MSRA: variants seen among roughly 807,000 people sequenced by gnomAD.
The protein encoded by MSRA is methionine sulfoxide reductase A.
In MSRA, 54 loss-of-function variants were observed where a neutral mutation model predicts 31.3. The observed-to-expected ratio is 1.73, with a 90% CI of 1.39 to 2.17. MSRA has a LOEUF of 2.17. MSRA is among the 30% of genes most tolerant of loss of function. MSRA has a pLI of 0.00. For synonymous variants in MSRA, 169 were observed against 116.5 expected (o/e 1.45, Z -2.90); for missense variants, 507 against 300.9 (o/e 1.69, Z -5.07).
rs193216737 is a variant in MSRA at position 10,147,020 on chromosome 8, C to T, written c.143-60813C>T. The stretch of plus-strand genomic sequence containing the variant: ...GCCAGCTGGGGCCTTGTTGGGTTAC[C>T]GGCAGAGGCGAGGTGGCCCTTCCCA... On this transcript the variant is annotated intron_variant, in intron 1 of 5. Transcript: ENST00000317173. Among the ~76,000 whole-genome samples the T allele has an allele frequency of 7.2e-4, 109 of 152,278 alleles. 1 individual carries two copies. Among genetic ancestry groups the T allele is most frequent in the Admixed American group, 6.6e-3 (101 of 15,296 alleles).
At chr8:10,400,603 T>A (rs1190498633) in intron 5 of MSRA, among the ~76,000 whole-genome samples, 2 of 151,528 alleles carry the variant, frequency 1.3e-5, no homozygotes, top group Non-Finnish European at 2.9e-5. Context: ...GACCGAGAGA[T>A]GTAGGGCATG....
At chr8:10,311,265 A>G (rs899209612) in intron 4 of MSRA, among the ~76,000 whole-genome samples, 4 of 152,240 alleles carry the variant, frequency 2.6e-5, no homozygotes, top group Non-Finnish European at 5.9e-5. Flanking sequence ...AAGGGCTGAC[A>G]GAACTATGAG....
At chr8:10,293,153 A>G (rs1199195082) in intron 3 of MSRA, among the ~76,000 whole-genome samples, 1 of 152,164 alleles carries the variant, frequency 6.6e-6, no homozygotes, top group Non-Finnish European at 1.5e-5. Context: ...CTATGGATCT[A>G]GAGGCTTTGC....
At chr8:10,353,120 A>T (rs1280671935) in intron 5 of MSRA, among the ~76,000 whole-genome samples, 2 of 152,184 alleles carry the variant, frequency 1.3e-5, no homozygotes, top group Admixed American at 1.3e-4. Flanking sequence ...TGAGCCACAG[A>T]CAGGCGTGTG....
At chr8:10,331,108 G>C (rs1442956223) in intron 5 of MSRA, among the ~76,000 whole-genome samples, 1 of 152,228 alleles carries the variant, frequency 6.6e-6, no homozygotes, top group Non-Finnish European at 1.5e-5. Flanking sequence ...CTGAGAAGAG[G>C]ACTTGGAATA....
chr8:10,147,061 C>T (rs1187703191), intron 1 of MSRA, among the ~76,000 whole-genome samples: 2 of 152,088 alleles, frequency 1.3e-5, no homozygotes, highest in Non-Finnish European at 2.9e-5. Flanking sequence ...AGATGAGTGC[C>T]GGTTGCAGTG....
intron 1 of MSRA, 47 bp from the exon 2 acceptor site, chr8:10,207,786 G>A (rs907236626): frequency 1.9e-6 from 3 of 1,550,054 alleles, no homozygotes; most frequent in Non-Finnish European, 2.6e-6. Context: ...GTTAGTATGT[G>A]TTAGAACTTT....
At chr8:10,230,668 A>C (rs1811384120) in intron 2 of MSRA, among the ~76,000 whole-genome samples, 2 of 152,216 alleles carry the variant, frequency 1.3e-5, no homozygotes, top group South Asian at 4.1e-4. Context: ...TTCTTATAGA[A>C]ATTTGGAATA....
chr8:10,103,265 G>T (rs1352533555), intron 1 of MSRA, among the ~76,000 whole-genome samples: 1 of 152,128 alleles, frequency 6.6e-6, no homozygotes, highest in Non-Finnish European at 1.5e-5. Context: ...TTGACTGAAG[G>T]CTTTAAAAAT....
At chr8:10,232,937 G>C (rs1342179908) in intron 2 of MSRA, among the ~76,000 whole-genome samples, 3 of 152,170 alleles carry the variant, frequency 2.0e-5, no homozygotes, top group Non-Finnish European at 2.9e-5. Context: ...ATGTAAGTTT[G>C]AATATTTTTT....
At chr8:10,295,315 G>T (rs887154894) in intron 3 of MSRA, among the ~76,000 whole-genome samples, 1 of 152,068 alleles carries the variant, frequency 6.6e-6, no homozygotes, top group Non-Finnish European at 1.5e-5. Context: ...GGGGACCGTC[G>T]CACTGCGCTG....
intron 1 of MSRA, among the ~76,000 whole-genome samples, chr8:10,152,556 G>C (rs913211328): frequency 2.0e-5 from 3 of 152,194 alleles, no homozygotes; most frequent in African/African-American, 7.2e-5. Flanking sequence ...TGGGTATCTA[G>C]GTGGATTGGG....
intron 1 of MSRA, among the ~76,000 whole-genome samples, chr8:10,082,809 C>A (rs747359257): frequency 6.6e-6 from 1 of 152,184 alleles, no homozygotes; most frequent in African/African-American, 2.4e-5. Flanking sequence ...GAAGGGGGCA[C>A]TGTGTTCACT....
chr8:10,055,235 C>G (rs931011971), intron 1 of MSRA, among the ~76,000 whole-genome samples: 2 of 152,194 alleles, frequency 1.3e-5, no homozygotes, highest in African/African-American at 4.8e-5. Context: ...CAGGGGCTGC[C>G]GTATGCTGGG....
rs1416394509 is a variant in MSRA, at chr8:10,083,091, T to C, written c.142+28433T>C. ...AACCATACTTACATTCTTTGTTGCA[T>C]ACATAGCATTTAAATTGTGACTCTC... On this transcript the variant is annotated intron_variant, in intron 1 of 5. Coordinates refer to ENST00000317173, the MANE Select transcript of MSRA (RefSeq NM_012331.5). 2.1e-5 allele frequency among the ~76,000 whole-genome samples: 3 copies of C among 144,396 alleles called. No individual in the cohort carries two copies. The East Asian group carries it at 8.1e-4, about 39-fold the overall frequency. The allele number at this position is 144,396 out of a possible 152,430, so 94.7% of individuals were successfully genotyped here. A position where few individuals can be genotyped will look rare whatever the true frequency, so the allele number is the denominator to read the frequency against.
At chr8:10,085,824 T>C (rs1287214619) in intron 1 of MSRA, among the ~76,000 whole-genome samples, 1 of 152,240 alleles carries the variant, frequency 6.6e-6, no homozygotes, top group African/African-American at 2.4e-5. Context: ...ATAAATTTCA[T>C]AGAAAAGGAA....
intron 2 of MSRA, among the ~76,000 whole-genome samples, chr8:10,242,723 C>T (rs1797400294): frequency 2.0e-5 from 3 of 152,090 alleles, no homozygotes; most frequent in Admixed American, 2.0e-4. Context: ...TGTTTAAACA[C>T]ACACACACAC....
intron 5 of MSRA, among the ~76,000 whole-genome samples, chr8:10,393,441 A>G (rs772585217): frequency 1.4e-4 from 22 of 152,206 alleles, no homozygotes; most frequent in Non-Finnish European, 2.5e-4. Flanking sequence ...GGCAATAAGG[A>G]TGCCATCTTG....
intron 1 of MSRA, among the ~76,000 whole-genome samples, chr8:10,165,588 G>C (rs895499273): frequency 6.6e-6 from 1 of 152,186 alleles, no homozygotes. Context: ...GTGGCAGTCT[G>C]TGCCCAGGTG....
Sources: gnomAD v4.1 joint callset for allele counts (sites outside exome capture counted in the v4.1 genomes callset) on GRCh38, gnomAD v4.1.1 for gene constraint, MANE v1.5 for transcripts, NCBI Gene and HGNC (gene_info 2026-07-23, HGNC 2026-07-21) for gene names.